INVS: variants seen among roughly 807,000 people sequenced by gnomAD.
INVS encodes the protein inversion of embryo turning homolog.
In INVS, 86 loss-of-function variants were observed where a neutral mutation model predicts 108.8. That is an observed-to-expected ratio of 0.79 (90% confidence interval 0.66 to 0.95). INVS has a LOEUF of 0.95. Ranked by LOEUF, INVS falls within the 40% of genes least tolerant of loss-of-function variation. The pLI is 0.00. For synonymous variants in INVS, 455 were observed against 473.5 expected, an observed-to-expected ratio of 0.96 and a Z score of 0.51; for missense variants, 1,169 against 1,297.4, an observed-to-expected ratio of 0.90 and a Z score of 1.52.
At chr9:100,198,849 C>T (rs974455191) in intron 3 of INVS, among the ~76,000 whole-genome samples, 1 of 152,130 alleles carries the variant, frequency 6.6e-6, no homozygotes, top group African/African-American at 2.4e-5. Context: ...CCTCAGCCTC[C>T]CAAAGTGCTG....
chr9:100,277,507 G>A (rs1262557113), intron 12 of INVS, among the ~76,000 whole-genome samples: 1 of 152,174 alleles, frequency 6.6e-6, no homozygotes, highest in Non-Finnish European at 1.5e-5. Flanking sequence ...ATGGGCTTCA[G>A]GGATCCATGG....
chr9:100,195,748 A>T (rs1301019310), intron 3 of INVS, among the ~76,000 whole-genome samples: 1 of 152,126 alleles, frequency 6.6e-6, no homozygotes, highest in South Asian at 2.1e-4. Context: ...TTGGCCTCCC[A>T]AAATGCTGGG....
chr9:100,209,041 A>C (rs770118132), intron 3 of INVS, among the ~76,000 whole-genome samples: 1 of 152,126 alleles, frequency 6.6e-6, no homozygotes, highest in Non-Finnish European at 1.5e-5. Context: ...CCCAGATCTG[A>C]CTGGTTCCAA....
At chr9:100,298,983 C>CAAAT (rs1351640948) in intron 16 of INVS, among the ~76,000 whole-genome samples, 2 of 152,142 alleles carry the variant, frequency 1.3e-5, no homozygotes, top group Non-Finnish European at 2.9e-5. Context: ...TTTAGACAAT[C>CAAAT]AAATACTAGC....
intron 3 of INVS, among the ~76,000 whole-genome samples, chr9:100,133,101 T>C (rs1828103149): frequency 6.6e-6 from 1 of 152,044 alleles, no homozygotes; most frequent in Non-Finnish European, 1.5e-5. Context: ...TGAGACTCCA[T>C]CTCAAAAAAA....
chr9:100,230,545 G>A (rs751314907), intron 5 of INVS, among the ~76,000 whole-genome samples: 5 of 152,090 alleles, frequency 3.3e-5, no homozygotes, highest in Non-Finnish European at 7.3e-5. Context: ...TTGAGACAGA[G>A]TCTTGCTCTG....
intron 3 of INVS, among the ~76,000 whole-genome samples, chr9:100,180,524 T>C (rs1829857934): frequency 6.6e-6 from 1 of 151,730 alleles, no homozygotes; most frequent in Non-Finnish European, 1.5e-5. Context: ...AACTAGAAAA[T>C]CTAGAAGAAA....
intron 10 of INVS, among the ~76,000 whole-genome samples, chr9:100,261,265 C>CTT (rs1191530321): frequency 1.1e-4 from 15 of 136,306 alleles, no homozygotes; most frequent in Admixed American, 2.2e-4. Flanking sequence ...AGGAATGCAT[C>CTT]TTTTTTTTTT....
chr9:100,255,912 G>A (rs1832404843), intron 10 of INVS, among the ~76,000 whole-genome samples: 1 of 152,170 alleles, frequency 6.6e-6, no homozygotes, highest in Non-Finnish European at 1.5e-5. Flanking sequence ...TTGGTATCAG[G>A]ATGATGCTGG....
intron 3 of INVS, among the ~76,000 whole-genome samples, chr9:100,216,409 A>G (rs563423192): frequency 2.6e-5 from 4 of 152,326 alleles, no homozygotes; most frequent in African/African-American, 9.6e-5. Context: ...TAACTTAGCC[A>G]AAGCATCAGC....
intron 10 of INVS, among the ~76,000 whole-genome samples, chr9:100,261,520 G>A (rs1030506372): frequency 2.0e-5 from 3 of 152,082 alleles, no homozygotes; most frequent in Non-Finnish European, 4.4e-5. Context: ...GCCTGCCTTA[G>A]CCTCCCAAAG....
rs34728274 is a variant in INVS, at chr9:100,187,525, C to CTTTTTTTTT, written c.274-38526_274-38518dup. Among the ~76,000 whole-genome samples the CTTTTTTTTT allele has an allele frequency of 1.3e-4, 14 of 105,564 alleles. 1 individual carries two copies. The highest frequency in any genetic ancestry group is 4.8e-4 in the African/African-American group (11 of 22,706). The allele number at this position is 105,564 out of a possible 152,430, so 69.3% of individuals were successfully genotyped here. A position where few individuals can be genotyped will look rare whatever the true frequency, so the allele number is the denominator to read the frequency against. ...CATTTGTTTGTATCATCTATGATTT[C>CTTTTTTTTT]TTTTTTTTTTTTTTTTTTTGAGACA... On this transcript the variant is annotated intron_variant, in intron 3 of 16. Transcript: ENST00000262457.
At chr9:100,230,470 G>C (rs570756465) in intron 5 of INVS, among the ~76,000 whole-genome samples, 1 of 146,326 alleles carries the variant, frequency 6.8e-6, no homozygotes, top group South Asian at 2.1e-4. Flanking sequence ...GTTTTGTTTT[G>C]TTTTTTTGCA....
At chr9:100,141,326 T>G (rs1177126945) in intron 3 of INVS, among the ~76,000 whole-genome samples, 2 of 152,148 alleles carry the variant, frequency 1.3e-5, no homozygotes, top group African/African-American at 2.4e-5. Flanking sequence ...CTTTTTAAGT[T>G]GGTGGCTGAG....
intron 5 of INVS, among the ~76,000 whole-genome samples, chr9:100,230,738 C>T (rs1425525868): frequency 3.9e-5 from 6 of 152,004 alleles, no homozygotes; most frequent in Non-Finnish European, 7.4e-5. Flanking sequence ...AGGATGGTCT[C>T]GACCTCTTGA....
chr9:100,146,583 A>G (rs1588037812), intron 3 of INVS, among the ~76,000 whole-genome samples: 1 of 152,182 alleles, frequency 6.6e-6, no homozygotes, highest in African/African-American at 2.4e-5. Flanking sequence ...AAGCTGTCAC[A>G]TGTATCAGTA....
intron 3 of INVS, among the ~76,000 whole-genome samples, chr9:100,151,584 A>G (rs915648452): frequency 4.6e-5 from 7 of 152,212 alleles, no homozygotes; most frequent in Non-Finnish European, 1.0e-4. Flanking sequence ...GTAGGGCCTT[A>G]TAGGCCATTG....
At chr9:100,194,908 T>C (rs1457876133) in intron 3 of INVS, among the ~76,000 whole-genome samples, 32 of 152,104 alleles carry the variant, frequency 2.1e-4, no homozygotes, top group Non-Finnish European at 7.4e-5. Flanking sequence ...GAGCTGGGGC[T>C]GATGAGCAGA....
intron 4 of INVS, among the ~76,000 whole-genome samples, 200 bp downstream of exon 4, chr9:100,226,435 A>G (rs779992142): frequency 3.3e-5 from 5 of 152,190 alleles, no homozygotes; most frequent in Non-Finnish European, 7.3e-5. Flanking sequence ...GTTAGGTAGT[A>G]TCATCTTTTT....
Sources: gnomAD v4.1 joint callset for allele counts (sites outside exome capture counted in the v4.1 genomes callset) on GRCh38, gnomAD v4.1.1 for gene constraint, MANE v1.5 for transcripts, NCBI Gene and HGNC (gene_info 2026-07-23, HGNC 2026-07-21) for gene names.